SPATS2L: variants seen among roughly 807,000 people sequenced by gnomAD.
SPATS2L encodes spermatogenesis associated serine rich 2 like, also known as SPATS2-like protein.
In SPATS2L, 30 loss-of-function variants were observed where a neutral mutation model predicts 59.6. The observed-to-expected ratio is 0.50, with a 90% CI of 0.38 to 0.68. The LOEUF (loss-of-function observed/expected upper bound fraction) is 0.68. Ranked by LOEUF, SPATS2L falls within the 30% of genes least tolerant of loss-of-function variation. The pLI is 0.00. For synonymous variants in SPATS2L, 252 were observed against 263.5 expected (o/e 0.96, Z 0.42); for missense variants, 615 against 700.0 (o/e 0.88, Z 1.37).
At chr2:200,436,227 T>C (rs1300187797) in intron 6 of SPATS2L, among the ~76,000 whole-genome samples, 6 of 152,180 alleles carry the variant, frequency 3.9e-5, no homozygotes, top group Non-Finnish European at 8.8e-5. Context: ...ACAGTGACTT[T>C]CTGTTATAGC....
rs553579856 is a variant in SPATS2L at position 200,460,343 on chromosome 2, A to G, written c.847+516A>G. 7.2e-5 allele frequency among the ~76,000 whole-genome samples: 11 copies of G among 152,346 alleles called. No individual in the cohort carries two copies. In the South Asian group the frequency reaches 2.3e-3, roughly 32 times the overall value. Reference sequence around the variant, plus strand: ...CCCCTCAACATTTTTAATTACATATATAAATTTAATATATCTGATTTGTCT... The same window carrying G: ...CCCCTCAACATTTTTAATTACATATGTAAATTTAATATATCTGATTTGTCT... On this transcript the variant is annotated intron_variant, in intron 9 of 12. Transcript: ENST00000409140.
intron 2 of SPATS2L, among the ~76,000 whole-genome samples, chr2:200,372,839 A>T (rs2081473558): frequency 6.6e-6 from 1 of 152,138 alleles, no homozygotes; most frequent in South Asian, 2.1e-4. Context: ...CTACATGCAG[A>T]TACATTGTGA....
intron 3 of SPATS2L, among the ~76,000 whole-genome samples, chr2:200,398,644 T>G (rs1446757256): frequency 6.6e-6 from 1 of 152,224 alleles, no homozygotes; most frequent in African/African-American, 2.4e-5. Flanking sequence ...TTGGCTTCAA[T>G]GTTTTAATCT....
At chr2:200,425,804 A>G (rs756805883) in intron 6 of SPATS2L, among the ~76,000 whole-genome samples, 35 of 152,178 alleles carry the variant, frequency 2.3e-4, no homozygotes, top group Admixed American at 3.9e-4. Flanking sequence ...GTAGATAATA[A>G]ACCAGAATAC....
intron 2 of SPATS2L, chr2:200,383,919 T>C (rs2081907319): frequency 1.0e-6 from 1 of 1,001,728 alleles, no homozygotes; most frequent in Non-Finnish European, 1.2e-6. Context: ...CTAAGAGCAT[T>C]AATGGGTTTC....
chr2:200,378,571 T>A (rs974246798), intron 2 of SPATS2L, among the ~76,000 whole-genome samples: 5 of 152,316 alleles, frequency 3.3e-5, no homozygotes, highest in Admixed American at 2.0e-4. Context: ...CCAGTGACAT[T>A]TCAAGGAACT....
At chr2:200,330,020 C>T (rs1322596477) in intron 2 of SPATS2L, among the ~76,000 whole-genome samples, 2 of 152,322 alleles carry the variant, frequency 1.3e-5, no homozygotes, top group East Asian at 1.9e-4. Flanking sequence ...CTGAGCCAGA[C>T]AGCCTGGCTC....
Position 200,442,783 on chromosome 2 carries a change from ACTC to A in SPATS2L, c.788+2003_788+2005del, listed in dbSNP as rs949699209. On this transcript the variant is annotated intron_variant, in intron 8 of 12. Transcript: ENST00000409140. ...TTATAACAGATTCTGTGAGAGTTTT[ACTC>A]CTCAAGAGCTGAAAGCGTGGGGCCA... Among the ~76,000 whole-genome samples, 13 of 152,232 alleles carry A rather than the reference ACTC, an allele frequency of 8.5e-5. No homozygotes were observed. The South Asian group carries it at 2.7e-3, about 32-fold the overall frequency.
chr2:200,409,220 C>T (rs1387008064), intron 3 of SPATS2L, among the ~76,000 whole-genome samples: 1 of 152,224 alleles, frequency 6.6e-6, no homozygotes, highest in Admixed American at 6.5e-5. Flanking sequence ...CTATTAGTCA[C>T]GCATTGATTG....
chr2:200,400,967 T>C (rs1230000168), intron 3 of SPATS2L, among the ~76,000 whole-genome samples: 5 of 152,224 alleles, frequency 3.3e-5, no homozygotes, highest in Non-Finnish European at 7.4e-5. Flanking sequence ...CATTAAAAGA[T>C]GGAGCCTGCC....
chr2:200,475,665 G>C (rs1279497571), intron 12 of SPATS2L, among the ~76,000 whole-genome samples: 1 of 152,118 alleles, frequency 6.6e-6, no homozygotes, highest in Admixed American at 6.6e-5. Flanking sequence ...TGATTTGGGG[G>C]CCCCAAGATT....
intron 2 of SPATS2L, among the ~76,000 whole-genome samples, chr2:200,360,792 C>G (rs1307047251): frequency 1.3e-5 from 2 of 151,922 alleles, no homozygotes; most frequent in African/African-American, 4.8e-5. Flanking sequence ...TCTTTTTTTA[C>G]CAAAAAGACT....
chr2:200,392,893 C>T (rs1490545423), intron 3 of SPATS2L, among the ~76,000 whole-genome samples: 1 of 152,220 alleles, frequency 6.6e-6, no homozygotes, highest in Non-Finnish European at 1.5e-5. Flanking sequence ...GTCCCCCACA[C>T]ATTTGGGTGA....
chr2:200,316,576 G>A (rs1178455766), intron 1 of SPATS2L, among the ~76,000 whole-genome samples: 1 of 152,188 alleles, frequency 6.6e-6, no homozygotes, highest in Non-Finnish European at 1.5e-5. Flanking sequence ...CCTTGTCCAG[G>A]TAGTTTAGCC....
intron 2 of SPATS2L, among the ~76,000 whole-genome samples, chr2:200,335,737 C>T (rs183267508): frequency 7.2e-5 from 11 of 152,310 alleles, no homozygotes; most frequent in African/African-American, 2.4e-4. Context: ...CCCCAGGGAG[C>T]ACTTGAGAAG....
chr2:200,362,552 T>C (rs2081141725), intron 2 of SPATS2L, among the ~76,000 whole-genome samples: 1 of 152,186 alleles, frequency 6.6e-6, no homozygotes, highest in African/African-American at 2.4e-5. Flanking sequence ...CTCAGAAGTT[T>C]TGCATATTAC....
rs1346438268 is a variant in SPATS2L, at chr2:200,416,243, G to A, written c.149-136G>A. ...AAAATGAAACTGGCATTTTTATTAA[G>A]ATAGGATGTATCAAAACAAATGAAA... On this transcript the variant is annotated intron_variant, in intron 4 of 12. Transcript: ENST00000409140. The A allele has an allele frequency of 1.8e-5, 7 of 398,872 alleles. No homozygotes were observed. In the East Asian group the frequency reaches 2.6e-4, roughly 15 times the overall value. The allele number at this position is 398,872 out of a possible 1,614,324, so 24.7% of individuals were successfully genotyped here.
chr2:200,306,479 G>A, upstream of SPATS2L: 3 of 1,002,348 alleles, frequency 3.0e-6, no homozygotes, highest in Non-Finnish European at 3.6e-6. Flanking sequence ...TAGGGAGGGC[G>A]TGTGGAGGGA....
At chr2:200,422,609 A>T (rs1429651051) in intron 6 of SPATS2L, among the ~76,000 whole-genome samples, 2 of 152,044 alleles carry the variant, frequency 1.3e-5, no homozygotes, top group East Asian at 3.9e-4. Context: ...TTGCAAAAGG[A>T]AGCAAATTCT....
Sources: allele counts gnomAD v4.1 joint callset (sites outside exome capture counted in the v4.1 genomes callset), GRCh38; gene constraint gnomAD v4.1.1; transcripts MANE v1.5; gene names NCBI Gene and HGNC (gene_info 2026-07-23, HGNC 2026-07-21).